KCNT1: variants seen among roughly 807,000 people sequenced by gnomAD.
KCNT1 encodes potassium channel subfamily T member 1.
Under a neutral mutation model 147.8 loss-of-function variants are expected in KCNT1, and 78 were observed. That is an observed-to-expected ratio of 0.53 (90% confidence interval 0.44 to 0.64). The LOEUF (loss-of-function observed/expected upper bound fraction) is 0.64, where lower values mean the gene tolerates loss of function less well. Among genes scored for constraint, KCNT1 ranks in the 30% least tolerant of loss-of-function variants. KCNT1 has a pLI of 0.00. For missense variants in KCNT1, 1,419 were observed against 1,750.3 expected (o/e 0.81, Z 3.38); for synonymous variants, 867 against 748.8 (o/e 1.16, Z -2.58).
intron 2 of KCNT1, among the ~76,000 whole-genome samples, chr9:135,716,743 G>C (rs1321089989): frequency 6.6e-6 from 1 of 152,152 alleles, no homozygotes; most frequent in African/African-American, 2.4e-5. Context: ...GCTAGCTAGT[G>C]CGTGGCTGTG....
intron 28 of KCNT1, 42 bp from the exon 29 acceptor site, chr9:135,786,154 CA>C (rs1834028203): frequency 6.4e-7 from 1 of 1,554,834 alleles, no homozygotes; most frequent in South Asian, 1.2e-5. Flanking sequence ...ACCCTCCCGG[CA>C]GCCTCACCCC....
rs764379114 is a variant in KCNT1, at chr9:135,759,903, A to G, written c.1035+44A>G. The stretch of plus-strand genomic sequence containing the variant: ...AGCCCTGGGTGGCACCAGCAAAGGG[A>G]CAGGCGGGTGCCAGTAGAGGGAGGG... On this transcript the variant is annotated intron_variant, in intron 11 of 30. Transcript: ENST00000371757. 11 of 1,532,662 alleles carry G rather than the reference A, an allele frequency of 7.2e-6. No individual in the cohort carries two copies. In the East Asian group the frequency reaches 2.5e-4, roughly 35 times the overall value. The allele number at this position is 1,532,662 out of a possible 1,614,324, so 94.9% of individuals were successfully genotyped here. A position where few individuals can be genotyped will look rare whatever the true frequency, so the allele number is the denominator to read the frequency against.
At chr9:135,772,380 T>C (rs890568073) in intron 18 of KCNT1, among the ~76,000 whole-genome samples, 1 of 152,040 alleles carries the variant, frequency 6.6e-6, no homozygotes, top group African/African-American at 2.4e-5. Context: ...CCTGACCAGC[T>C]GCACAGGCCC....
intron 1 of KCNT1, among the ~76,000 whole-genome samples, chr9:135,710,952 G>A (rs1369023445): frequency 4.6e-5 from 7 of 152,036 alleles, no homozygotes; most frequent in South Asian, 2.1e-4. Context: ...TGGGGCTCCC[G>A]CGCCTGCTGT....
In KCNT1 at chr9:135,758,498, G is replaced by A. The variant is rs749361686; in HGVS notation, c.844G>A (p.Val282Ile). 5.6e-6 allele frequency: 9 copies of A among 1,613,232 alleles called. No homozygotes were observed. The highest frequency in any genetic ancestry group is 1.3e-5 in the African/African-American group (1 of 74,932). The part of the protein sequence containing the change: ...LILFCTLLCL[V>I]FTGTCGIQHL... ...CCTCTTCTGCACCCTGCTGTGCCTC[G>A]TTTTCACGGGGTGAGTGCCGGCCGT... Residue 282 changes from valine to isoleucine, a missense_variant, in exon 10 of 31, where the codon GTT (valine) becomes ATT (isoleucine). Val to Ile is a conservative substitution (Grantham distance 29, BLOSUM62 3). Transcript: ENST00000371757.
chr9:135,786,710 G>A (rs766738846), intron 29 of KCNT1, among the ~76,000 whole-genome samples, 189 bp downstream of exon 29: 4 of 152,264 alleles, frequency 2.6e-5, no homozygotes, highest in African/African-American at 4.8e-5. Context: ...GCACCACCAC[G>A]GCCCAGCAGA....
At position 135,784,117 on chromosome 9, in the gene KCNT1, C is replaced by T; in HGVS notation, c.2935C>T (p.Leu979Phe). The T allele has an allele frequency of 6.2e-7, 1 of 1,603,906 alleles. No homozygotes were observed. The highest frequency in any genetic ancestry group is 8.5e-7 in the Non-Finnish European group (1 of 1,179,716). ...CAGCATCAGCATGTTGGACACACTG[C>T]TCTACCAGGTCAGCGGGGAAGCGGC... ...VFSISMLDTL[L>F]YQSFVKDYMI... The change falls in exon 25 of 31, where the codon CTC (leucine) becomes TTC (phenylalanine). Residue 979 changes from leucine to phenylalanine, a missense_variant. By Grantham distance (22) the Leu-to-Phe change is conservative. Transcript: ENST00000371757.
intron 2 of KCNT1, among the ~76,000 whole-genome samples, chr9:135,726,310 G>T (rs1836137259): frequency 6.6e-6 from 1 of 152,198 alleles, no homozygotes; most frequent in Non-Finnish European, 1.5e-5. Flanking sequence ...GCCCTCTGGG[G>T]CCTCCCTGGG....
chr9:135,710,022 G>C (rs1188501047), intron 1 of KCNT1, among the ~76,000 whole-genome samples: 1 of 152,176 alleles, frequency 6.6e-6, no homozygotes, highest in Non-Finnish European at 1.5e-5. Context: ...GGGACCTGTA[G>C]GCACCAGGCT....
intron 2 of KCNT1, chr9:135,736,754 G>A: frequency 2.6e-6 from 1 of 378,708 alleles, no homozygotes; most frequent in Non-Finnish European, 4.7e-6. Context: ...CCGGCCCGCG[G>A]CGGGGGCTCC....
intron 2 of KCNT1, among the ~76,000 whole-genome samples, chr9:135,718,470 C>G (rs900883331): frequency 1.3e-5 from 2 of 152,192 alleles, no homozygotes; most frequent in African/African-American, 4.8e-5. Context: ...GCTGGTGTGC[C>G]CGGACACGGC....
At chr9:135,774,122 G>T (rs1265081448) in intron 19 of KCNT1, among the ~76,000 whole-genome samples, 2 of 151,458 alleles carry the variant, frequency 1.3e-5, no homozygotes, top group Non-Finnish European at 2.9e-5. Flanking sequence ...GTCACGTGTG[G>T]TGTGTGTTGT....
chr9:135,744,324 G>A (rs1288683877), intron 2 of KCNT1, among the ~76,000 whole-genome samples: 4 of 152,244 alleles, frequency 2.6e-5, no homozygotes, highest in Admixed American at 2.0e-4. Flanking sequence ...AGAGGGTCCC[G>A]TCTTGGTGTG....
chr9:135,750,008 G>A (rs901393645), intron 2 of KCNT1, 90 bp from the exon 3 acceptor site: 1 of 1,012,480 alleles, frequency 9.9e-7, no homozygotes, highest in Non-Finnish European at 1.5e-6. Flanking sequence ...TGGAAAGTTG[G>A]AAGAAGTCAG....
rs1236737169 is a variant in KCNT1 at position 135,702,270 on chromosome 9, T to C, written c.12T>C (p.Pro4=). Residue 4 remains proline (P), a synonymous_variant, in exon 1 of 31, where the codon CCT becomes CCC. Coordinates refer to ENST00000371757, the MANE Select transcript of KCNT1 (RefSeq NM_020822.3). The part of the protein sequence containing the change: MPL[P]DGARTPGGVC... The stretch of plus-strand genomic sequence containing the variant: ...AGCTGCCAGGCCGCATGCCACTCCC[T>C]GACGGGGCGCGGACCCCGGGGGGCG... 6.2e-7 allele frequency: 1 copy of C among 1,608,234 alleles called. No homozygotes were observed. Among genetic ancestry groups the C allele is most frequent in the Non-Finnish European group, 8.5e-7 (1 of 1,177,486 alleles).
In KCNT1 at chr9:135,777,282, T is replaced by G. The variant is rs146955835; in HGVS notation, c.2350-56T>G. 3.2e-4 allele frequency: 505 copies of G among 1,564,918 alleles called. 2 individuals are homozygous for G. The East Asian group carries it at 0.01, about 32-fold the overall frequency. ...GGTGAGGGGTCTGGGAGGGCTCCAGTGGCCAGCAGGAACCACAGCCCTGAC... is the reference window on the plus strand; with the variant it reads ...GGTGAGGGGTCTGGGAGGGCTCCAGGGGCCAGCAGGAACCACAGCCCTGAC... On this transcript the variant is annotated intron_variant, in intron 20 of 30. Transcript: ENST00000371757.
intron 29 of KCNT1, among the ~76,000 whole-genome samples, chr9:135,787,489 G>A (rs1024885315): frequency 2.0e-5 from 3 of 152,208 alleles, no homozygotes; most frequent in Non-Finnish European, 4.4e-5. Flanking sequence ...CTGTCCCGTC[G>A]GAGTGCCCCG....
At chr9:135,784,937 G>A (rs376151822) in intron 27 of KCNT1, 48 bp downstream of exon 27, 4 of 1,591,204 alleles carry the variant, frequency 2.5e-6, no homozygotes, top group Non-Finnish European at 3.4e-6. Flanking sequence ...CCTGTCCTGT[G>A]TGACCCACAG....
chr9:135,771,896 G>A (rs1024598276), intron 18 of KCNT1, among the ~76,000 whole-genome samples: 2 of 152,032 alleles, frequency 1.3e-5, no homozygotes, highest in Non-Finnish European at 2.9e-5. Flanking sequence ...GGCAGAGGCT[G>A]ACCCTATGGG....
Sources: gnomAD v4.1 joint callset for allele counts (sites outside exome capture counted in the v4.1 genomes callset) on GRCh38, gnomAD v4.1.1 for gene constraint, MANE v1.5 for transcripts, NCBI Gene and HGNC (gene_info 2026-07-23, HGNC 2026-07-21) for gene names.